The following PFAS variants were observed in gnomAD, a reference collection of about 807,000 sequenced individuals.
PFAS encodes the protein phosphoribosylformylglycinamidine synthase.
In PFAS, 97 loss-of-function variants were observed where a neutral mutation model predicts 140.6. The ratio of observed to expected loss-of-function variants is 0.69; its 90% CI spans 0.59 to 0.82. The LOEUF is 0.82. Ranked by LOEUF, PFAS falls within the 40% of genes least tolerant of loss-of-function variation. The pLI is 0.00. For missense variants in PFAS, 1,656 were observed against 1,780.2 expected (o/e 0.93, Z 1.26); for synonymous variants, 679 against 718.8 (o/e 0.94, Z 0.88).
upstream of PFAS, chr17:8,247,926 G>A: frequency 1.4e-6 from 2 of 1,479,368 alleles, no homozygotes; most frequent in Non-Finnish European, 1.9e-6. Context: ...AGAGAGACAA[G>A]GCAGAGGAAA....
In PFAS at chr17:8,263,910, G is replaced by A. The variant is rs35025606; in HGVS notation, c.1765G>A (p.Val589Met). Residue 589 changes from valine to methionine, a missense_variant, in exon 15 of 28, where the codon GTG becomes ATG. Around this residue, in one of 2 missense-constraint regions of PFAS, gnomAD observed 883 missense variants for 1,023.0 expected, o/e 0.86. Transcript: ENST00000314666. Reference sequence around the variant, plus strand: ...CCGTGAACGTTGCCCGGCTTGCTTCGTGGGCACCATCACTGGAGACCGGAG... The same window carrying A: ...CCGTGAACGTTGCCCGGCTTGCTTCATGGGCACCATCACTGGAGACCGGAG... Reference protein sequence around the residue: ...SARERCPACFVGTITGDRRIV... With the variant: ...SARERCPACFMGTITGDRRIV... 1.7e-5 allele frequency: 28 copies of A among 1,613,456 alleles called. No individual in the cohort carries two copies. Among genetic ancestry groups the A allele is most frequent in the Middle Eastern group, 1.6e-4 (1 of 6,084 alleles).
chr17:8,257,693 T>G, intron 9 of PFAS, 114 bp from the exon 10 acceptor site: 1 of 1,083,390 alleles, frequency 9.2e-7, no homozygotes, highest in Admixed American at 1.7e-5. Flanking sequence ...AGTGGAACAT[T>G]GCAACCATGC....
In PFAS at chr17:8,267,279, G is replaced by A. The variant is rs1377085752; in HGVS notation, c.3175+44G>A. 1 of 1,584,630 alleles carries A rather than the reference G, an allele frequency of 6.3e-7. No homozygotes were observed. The highest frequency in any genetic ancestry group is 1.3e-5 in the African/African-American group (1 of 74,416). ...AGGCTCCGCGTCCTGGGGGCACTGA[G>A]CCTGGATGCCTGGGCCTGCCCTCAG... On this transcript the variant is annotated intron_variant, in intron 24 of 27. Coordinates refer to ENST00000314666, the MANE Select transcript of PFAS (RefSeq NM_012393.3). This position sits in a 1 kb window ranked among gnomAD's most constrained non-coding sequence, Gnocchi z 4.9.
Position 8,263,283 on chromosome 17 carries a change from A to G in PFAS, c.1567+18A>G. On this transcript the variant is annotated intron_variant, in intron 13 of 27. Coordinates refer to ENST00000314666, the MANE Select transcript of PFAS (RefSeq NM_012393.3). ...TGGCAATGGTGAGGAAAGGAGTTGG[A>G]ACAAGAGACTGGGCCTGCCTGGTAT... 6.2e-7 allele frequency: 1 copy of G among 1,613,736 alleles called. No homozygotes were observed. The highest frequency in any genetic ancestry group is 8.5e-7 in the Non-Finnish European group (1 of 1,179,770).
intron 26 of PFAS, among the ~76,000 whole-genome samples, chr17:8,268,067 T>G (rs1989903047): frequency 7.1e-6 from 1 of 141,510 alleles, no homozygotes; most frequent in African/African-American, 2.6e-5. Flanking sequence ...TATATATATA[T>G]ATGTATTTTT....
chr17:8,264,229 T>A lies in PFAS; in HGVS notation c.1809T>A (p.Asp603Glu), dbSNP rs764462914. The change falls in exon 16 of 28, where the codon GAT becomes GAA. Residue 603 changes from aspartate (D) to glutamate (E), a missense_variant. Around this residue, in one of 2 missense-constraint regions of PFAS, gnomAD observed 883 missense variants for 1,023.0 expected, o/e 0.86. Transcript: ENST00000314666. ...TGDRRIVLVD[D>E]RECPVRRNGQ... ...GTCTATAGATAGTGCTGGTGGACGA[T>A]CGGGAGTGTCCTGTCAGAAGAAATG... 1 of 1,614,028 alleles carries A rather than the reference T, an allele frequency of 6.2e-7. No homozygotes were observed. Among genetic ancestry groups the A allele is most frequent in the Admixed American group, 1.7e-5 (1 of 60,014 alleles).
At chr17:8,265,836 C>A in intron 20 of PFAS, 26 bp from the exon 21 acceptor site, 2 of 1,578,840 alleles carry the variant, frequency 1.3e-6, no homozygotes, top group Non-Finnish European at 1.7e-6. Context: ...CTGTTCCCCT[C>A]CCCTCACCCC....
chr17:8,259,971 C>A (rs556662418), intron 11 of PFAS, among the ~76,000 whole-genome samples: 4 of 151,654 alleles, frequency 2.6e-5, no homozygotes. Context: ...TGTGGTGGCG[C>A]GCACCTATAA....
intron 11 of PFAS, among the ~76,000 whole-genome samples, chr17:8,261,393 C>A (rs925877717): frequency 6.6e-6 from 1 of 151,928 alleles, no homozygotes; most frequent in African/African-American, 2.4e-5. Context: ...CGTGCCACCA[C>A]ACCTAGCTAA....
In PFAS at chr17:8,255,793, T is replaced by C; in HGVS notation, c.575-12T>C. The C allele has an allele frequency of 6.2e-7, 1 of 1,611,890 alleles. No individual in the cohort carries two copies. Among genetic ancestry groups the C allele is most frequent in the Non-Finnish European group, 8.5e-7 (1 of 1,178,020 alleles). On this transcript the variant is annotated splice_polypyrimidine_tract_variant and intron_variant, in intron 5 of 27. Transcript: ENST00000314666. ...AGTTCCATAGTCACCTCTTCCTGGA[T>C]TTGTCTCCTAGGTCTGGCTTTAGAC...
chr17:8,250,010 A>G (rs921015862), intron 1 of PFAS, among the ~76,000 whole-genome samples: 5 of 152,184 alleles, frequency 3.3e-5, no homozygotes, highest in African/African-American at 1.2e-4. Flanking sequence ...GATAGTAACT[A>G]CTTGAGTGGC....
rs538086034 is a variant in PFAS, at chr17:8,266,278, G to A, written c.2746G>A (p.Val916Ile). The A allele has an allele frequency of 1.2e-5, 20 of 1,614,082 alleles. No homozygotes were observed. The highest frequency in any genetic ancestry group is 8.3e-5 in the Admixed American group (5 of 60,010). ...CCACGATGTCAGTGACGGAGGCCTC[G>A]TCACATGCCTGCTGGAGATGGCCTT... ...SGHDVSDGGL[V>I]TCLLEMAFAG... is the part of the protein sequence containing the mutation. The change falls in exon 22 of 28, where the codon GTC (valine) becomes ATC (isoleucine). Residue 916 changes from valine (V) to isoleucine (I), a missense_variant. Around this residue, in one of 2 missense-constraint regions of PFAS, gnomAD observed 883 missense variants for 1,023.0 expected, o/e 0.86. Transcript: ENST00000314666. This position sits in a 1 kb window ranked among gnomAD's most constrained non-coding sequence, Gnocchi z 5.0.
upstream of PFAS, among the ~76,000 whole-genome samples, chr17:8,248,601 A>C (rs1449601074): frequency 6.6e-6 from 1 of 151,376 alleles, no homozygotes; most frequent in Non-Finnish European, 1.5e-5. Flanking sequence ...TCTATCGCCC[A>C]GGCTGGAGTG....
At position 8,264,906 on chromosome 17, in the gene PFAS, T is replaced by C. The variant is rs9902252; in HGVS notation, c.2061T>C (p.Ser687=). The C allele has an allele frequency of 0.71, 1,126,172 of 1,583,322 alleles. 410,041 individuals are homozygous for C. Among genetic ancestry groups the C allele is most frequent in the Non-Finnish European group, 0.76 (880,422 of 1,161,140 alleles). Residue 687 remains serine, a synonymous_variant, in exon 18 of 28, where the codon TCT becomes TCC. Transcript: ENST00000314666. ...ACCTGGTTCCACAGGTGGACCGCTC[T>C]GTGGGAGGCCTGGTGGCCCAGCAGC... ...KRYLTNKVDR[S]VGGLVAQQQC...
intron 17 of PFAS, 123 bp downstream of exon 17, chr17:8,264,724 G>C: frequency 8.6e-7 from 1 of 1,160,008 alleles, no homozygotes; most frequent in South Asian, 1.5e-5. Flanking sequence ...GCAGGGGCAG[G>C]GCAGCCACCC....
chr17:8,264,333 G>C lies in PFAS; in HGVS notation c.1913G>C (p.Arg638Pro), dbSNP rs769470094. 3 of 1,613,900 alleles carry C rather than the reference G, an allele frequency of 1.9e-6. No homozygotes were observed. Among genetic ancestry groups the C allele is most frequent in the Non-Finnish European group, 2.5e-6 (3 of 1,179,930 alleles). Residue 638 changes from arginine (R) to proline (P), a missense_variant, in exon 16 of 28, where the codon CGG becomes CCG. Transcript: ENST00000314666. ...ELEWVLGKMP[R>P]KEFFLQRKPP... ...GAATGGGTGCTGGGCAAGATGCCTC[G>C]GAAGGTATGTGGGGTTGAGGGGATG...
Position 8,263,617 on chromosome 17 carries a change from T to A in PFAS, c.1610T>A (p.Ile537Asn). Residue 537 changes from isoleucine to asparagine, a missense_variant, in exon 14 of 28, where the codon ATT becomes AAT. Physicochemically the swap from Ile to Asn is moderately radical, Grantham distance 149. Coordinates refer to ENST00000314666, the MANE Select transcript of PFAS (RefSeq NM_012393.3). ...KELSDPAGAI[I>N]YTSRFQLGDP... ...CTGAGTGACCCAGCTGGAGCCATCA[T>A]TTACACCAGCCGCTTCCAGGTGGGT... is the stretch of plus-strand genomic sequence containing the variant. 4 of 1,614,036 alleles carry A rather than the reference T, an allele frequency of 2.5e-6. No homozygotes were observed. Among genetic ancestry groups the A allele is most frequent in the Non-Finnish European group, 3.4e-6 (4 of 1,179,928 alleles).
In PFAS at chr17:8,263,782, ACCC is replaced by A. The variant is rs761632835; in HGVS notation, c.1638_1640del (p.Asp546_Pro547delinsGlu). 31 of 1,613,052 alleles carry A rather than the reference ACCC, an allele frequency of 1.9e-5. No homozygotes were observed. Among genetic ancestry groups the A allele is most frequent in the Non-Finnish European group, 2.5e-5 (29 of 1,179,588 alleles). ...CCCGCCGTGGCTGTGCAGCTTGGGG[ACCC>A]AACCCTGAATGCCCTGGAAATCTGG... On this transcript the variant is annotated inframe_deletion, in exon 15 of 28. Transcript: ENST00000314666.
At chr17:8,259,269 A>C (rs1989498498) in intron 11 of PFAS, among the ~76,000 whole-genome samples, 2 of 151,638 alleles carry the variant, frequency 1.3e-5, no homozygotes, top group Admixed American at 1.3e-4. Flanking sequence ...TTCTCAAGTC[A>C]GATTTTTTTT....
Sources: gnomAD v4.1 joint callset for allele counts (sites outside exome capture counted in the v4.1 genomes callset) on GRCh38, gnomAD v4.1.1 for gene constraint, gnomAD v4.1.1 regional missense constraint, Gnocchi (gnomAD v3.1) non-coding constraint, MANE v1.5 for transcripts, NCBI Gene and HGNC (gene_info 2026-07-23, HGNC 2026-07-21) for gene names.